Variants in SGK2 observed in about 807,000 individuals in gnomAD.
SGK2 encodes the protein serum/glucocorticoid regulated kinase 2.
Under a neutral mutation model 47.5 loss-of-function variants are expected in SGK2, and 36 were observed. The ratio of observed to expected loss-of-function variants is 0.76; its 90% confidence interval spans 0.58 to 1.00. The LOEUF (loss-of-function observed/expected upper bound fraction) is 1.00. Ranked by LOEUF, SGK2 falls within the 50% of genes least tolerant of loss-of-function variation. The pLI is 0.00. For missense variants in SGK2, 404 were observed against 467.4 expected (o/e 0.86, Z 1.25); for synonymous variants, 157 against 181.9 (o/e 0.86, Z 1.10).
intron 9 of SGK2, among the ~76,000 whole-genome samples, chr20:43,574,338 C>T (rs533284025): frequency 6.6e-6 from 1 of 152,156 alleles, no homozygotes; most frequent in African/African-American, 2.4e-5. Context: ...AGGGGTCACC[C>T]CCTCCTTCCT....
chr20:43,567,120 G>T lies in SGK2; in HGVS notation c.86+3G>T, dbSNP rs1979780869. 1 of 1,613,672 alleles carries T rather than the reference G, an allele frequency of 6.2e-7. No homozygotes were observed. The highest frequency in any genetic ancestry group is 1.3e-5 in the African/African-American group (1 of 75,026). On this transcript the variant is annotated splice_donor_region_variant and intron_variant, in intron 3 of 12. Transcript: ENST00000373100. ...CTGGGGCCTTCAGCCAACCCAAAGT[G>T]AGTTCTGGTCCCTCAAGCACCTTTC...
At chr20:43,575,464 C>A (rs1450395739) in intron 10 of SGK2, among the ~76,000 whole-genome samples, 959 of 116,628 alleles carry the variant, frequency 8.2e-3, no homozygotes, top group East Asian at 9.7e-3. Flanking sequence ...GACTCTGTCT[C>A]AAAAAAAAAA....
At chr20:43,571,238 A>G (rs1414416734) in intron 8 of SGK2, among the ~76,000 whole-genome samples, 178 bp downstream of exon 8, 2 of 152,160 alleles carry the variant, frequency 1.3e-5, no homozygotes, top group Non-Finnish European at 2.9e-5. Context: ...ACACATACAT[A>G]TGTGCACATG....
Position 43,570,642 on chromosome 20 carries a change from GC to G in SGK2, c.388del (p.Arg130GlyfsTer31). On this transcript the variant is annotated frameshift_variant, in exon 7 of 13. Coordinates refer to ENST00000373100, the MANE Select transcript of SGK2 (RefSeq NM_170693.3). LOFTEE classifies it high-confidence loss of function. ...GELFFHLQRERRFLEPRARFY... is the reference protein window; with the variant it reads ...GELFFHLQREXRFLEPRARFY... ...CTCTTCTTCCACCTGCAGCGGGAGC[GC>G]CGGTTCCTGGAGCCCCGGGCCAGGT... The G allele has an allele frequency of 6.2e-7, 1 of 1,610,616 alleles. No homozygotes were observed. The highest frequency in any genetic ancestry group is 8.5e-7 in the Non-Finnish European group (1 of 1,177,766).
chr20:43,566,894 T>A (rs1158319521), intron 2 of SGK2, among the ~76,000 whole-genome samples, 174 bp from the exon 3 acceptor site: 2 of 57,900 alleles, frequency 3.5e-5, no homozygotes, highest in Non-Finnish European at 6.2e-5. Context: ...TGTGGGTGGG[T>A]AGAAGGAGGG....
chr20:43,572,023 TC>T lies in SGK2; in HGVS notation c.511-26del. On this transcript the variant is annotated intron_variant, in intron 8 of 12. Coordinates refer to ENST00000373100, the MANE Select transcript of SGK2 (RefSeq NM_170693.3). The surrounding 1 kb of genome is among the most constrained non-coding windows in gnomAD (Gnocchi z 4.2). The stretch of plus-strand genomic sequence containing the variant: ...GCCATACCCTTGGCTCATACCACCC[TC>T]CAGCCCATGCCCTCCGTCATTCTCA... The T allele has an allele frequency of 6.5e-7, 1 of 1,529,958 alleles. No homozygotes were observed. The highest frequency in any genetic ancestry group is 8.9e-7 in the Non-Finnish European group (1 of 1,129,422). The allele number at this position is 1,529,958 out of a possible 1,614,324, so 94.8% of individuals were successfully genotyped here.
chr20:43,576,801 G>A (rs2145553047), intron 11 of SGK2, among the ~76,000 whole-genome samples: 1 of 152,350 alleles, frequency 6.6e-6, no homozygotes, highest in East Asian at 1.9e-4. Flanking sequence ...AATTAGCTGG[G>A]CATGGTGTTG....
At chr20:43,580,981 T>A (rs533186113) in intron 12 of SGK2, among the ~76,000 whole-genome samples, 1 of 151,880 alleles carries the variant, frequency 6.6e-6, no homozygotes, top group African/African-American at 2.4e-5. Context: ...GTTCATGCCA[T>A]TCTTCTGCCT....
intron 12 of SGK2, among the ~76,000 whole-genome samples, chr20:43,583,866 G>A (rs1169928760): frequency 6.6e-6 from 1 of 152,248 alleles, no homozygotes; most frequent in Non-Finnish European, 1.5e-5. Context: ...GGAGGCTGAG[G>A]TGGGAGGCTC....
intron 12 of SGK2, chr20:43,583,351 C>G: frequency 7.8e-7 from 1 of 1,278,174 alleles, no homozygotes; most frequent in South Asian, 1.3e-5. Flanking sequence ...CTGGTTTTGT[C>G]ACCTACCATT....
chr20:43,570,893 G>A, intron 7 of SGK2, 131 bp from the exon 8 acceptor site: 1 of 1,456,568 alleles, frequency 6.9e-7, no homozygotes, highest in Non-Finnish European at 9.5e-7. Context: ...AGCCTTTCTG[G>A]GCTCTCCTTC....
At chr20:43,582,813 G>A (rs1216405428) in intron 12 of SGK2, among the ~76,000 whole-genome samples, 5 of 152,026 alleles carry the variant, frequency 3.3e-5, no homozygotes, top group Non-Finnish European at 5.9e-5. Context: ...CCAGCCTCCC[G>A]AGTAGCTGGG....
At chr20:43,579,854 G>A in intron 11 of SGK2, 118 bp from the exon 12 acceptor site, 1 of 747,392 alleles carries the variant, frequency 1.3e-6, no homozygotes. Context: ...AGAACTGCAA[G>A]TTAATTTCCA....
chr20:43,581,376 C>A (rs1409842416), intron 12 of SGK2, among the ~76,000 whole-genome samples: 2 of 151,980 alleles, frequency 1.3e-5, no homozygotes, highest in African/African-American at 4.8e-5. Context: ...AATTTACTTA[C>A]CCATGTTCCT....
intron 1 of SGK2, among the ~76,000 whole-genome samples, chr20:43,560,111 T>C (rs535276696): frequency 9.9e-5 from 15 of 152,164 alleles, no homozygotes; most frequent in African/African-American, 3.6e-4. Flanking sequence ...TGATGGGCCA[T>C]GGGCATGCCA....
Position 43,576,112 on chromosome 20 carries a change from C to A in SGK2, c.694-112C>A. 1.0e-5 allele frequency: 13 copies of A among 1,253,588 alleles called. No individual in the cohort carries two copies. In the South Asian group the frequency reaches 1.9e-4, roughly 18 times the overall value. The allele number at this position is 1,253,588 out of a possible 1,614,324, so 77.7% of individuals were successfully genotyped here. On this transcript the variant is annotated intron_variant, in intron 10 of 12. Coordinates refer to ENST00000373100, the MANE Select transcript of SGK2 (RefSeq NM_170693.3). ...CCAGTCTGCCATGCGAGCCATTGCA[C>A]AAGACAGGGGTCATACTGAATCCTC...
intron 1 of SGK2, among the ~76,000 whole-genome samples, chr20:43,563,305 A>G (rs73272171): frequency 2.4e-4 from 36 of 152,268 alleles, no homozygotes; most frequent in African/African-American, 8.7e-4. Context: ...GAGGAGGAAA[A>G]TCCAGCACAA....
chr20:43,582,358 GTTTTTATTTTCA>G (rs1980848876), intron 12 of SGK2, among the ~76,000 whole-genome samples: 1 of 151,470 alleles, frequency 6.6e-6, no homozygotes, highest in Non-Finnish European at 1.5e-5. Context: ...CACCTGGCCA[GTTTTTATTTTCA>G]TTTTTATTTT....
intron 12 of SGK2, among the ~76,000 whole-genome samples, chr20:43,580,751 G>A (rs1256605621): frequency 6.8e-6 from 1 of 147,306 alleles, no homozygotes; most frequent in African/African-American, 2.5e-5. Context: ...AAAAAAAAGG[G>A]AATGTATGTA....
Sources: gnomAD v4.1 joint callset for allele counts (sites outside exome capture counted in the v4.1 genomes callset) on GRCh38, gnomAD v4.1.1 for gene constraint, Gnocchi (gnomAD v3.1) non-coding constraint, MANE v1.5 for transcripts, NCBI Gene and HGNC (gene_info 2026-07-23, HGNC 2026-07-21) for gene names.